Variants in LRBA observed in about 807,000 individuals in gnomAD.
LRBA encodes lipopolysaccharide-responsive and beige-like anchor protein.
In LRBA, 176 loss-of-function variants were observed where a neutral mutation model predicts 330.0. The observed-to-expected ratio is 0.53, with a 90% CI of 0.47 to 0.60. The LOEUF is 0.60. Ranked by LOEUF, LRBA falls within the 20% of genes least tolerant of loss-of-function variation. The probability of loss-of-function intolerance (pLI) is 0.00; values close to 1 mark genes in which losing one functional copy is unlikely to be tolerated. For synonymous variants in LRBA, 1,230 were observed against 1,193.0 expected (o/e 1.03, Z -0.64); for missense variants, 3,259 against 3,444.8 (o/e 0.95, Z 1.35).
At chr4:150,599,165 A>T (rs180818787) in intron 37 of LRBA, 34 bp from the exon 38 acceptor site, 970 of 1,611,580 alleles carry the variant, frequency 6.0e-4, no homozygotes, top group Non-Finnish European at 7.6e-4. Context: ...ATATGTTAGC[A>T]ATTATCAAAC....
At chr4:150,393,123 G>A (rs1026692302) in intron 47 of LRBA, among the ~76,000 whole-genome samples, 4 of 151,964 alleles carry the variant, frequency 2.6e-5, no homozygotes, top group South Asian at 2.1e-4. Context: ...ATGAAATTTA[G>A]TTGCTCTGCT....
At chr4:150,939,323 AAG>A (rs543491979) in intron 2 of LRBA, among the ~76,000 whole-genome samples, 18 of 152,340 alleles carry the variant, frequency 1.2e-4, no homozygotes, top group African/African-American at 4.1e-4. Context: ...TACCCTTATA[AAG>A]AGGGAAAATT....
chr4:150,332,112 G>A (rs542318933), intron 48 of LRBA, among the ~76,000 whole-genome samples: 1 of 152,244 alleles, frequency 6.6e-6, no homozygotes, highest in African/African-American at 2.4e-5. Context: ...CCTGGCTAGG[G>A]TTAAGCAAGC....
chr4:150,928,506 G>A lies in LRBA; in HGVS notation c.549+10C>T. The A allele has an allele frequency of 6.3e-7, 1 of 1,596,952 alleles. No homozygotes were observed. Among genetic ancestry groups the A allele is most frequent in the Non-Finnish European group, 8.6e-7 (1 of 1,167,078 alleles). On this transcript the variant is annotated intron_variant, in intron 4 of 56. Transcript: ENST00000651943. ...CTTTAAAATACCAAAGAGTACTTAAGTTTTTTTACCCATCGTCCTTTATCT... is the reference window on the plus strand; with the variant it reads ...CTTTAAAATACCAAAGAGTACTTAAATTTTTTTACCCATCGTCCTTTATCT...
intron 47 of LRBA, among the ~76,000 whole-genome samples, chr4:150,404,904 A>C (rs1268767113): frequency 1.3e-5 from 2 of 152,170 alleles, no homozygotes; most frequent in Non-Finnish European, 2.9e-5. Context: ...CATGTCACTA[A>C]ACAAAATGCG....
chr4:150,757,600 G>A (rs1204078724), intron 35 of LRBA, among the ~76,000 whole-genome samples: 2 of 152,056 alleles, frequency 1.3e-5, no homozygotes, highest in Non-Finnish European at 2.9e-5. Flanking sequence ...TCCTGCCCCT[G>A]GGATTAAGTC....
chr4:150,767,122 T>C (rs1237799418), intron 34 of LRBA, among the ~76,000 whole-genome samples: 2 of 152,160 alleles, frequency 1.3e-5, no homozygotes, highest in Admixed American at 6.5e-5. Context: ...AACCTAACAT[T>C]ATCTATTCCT....
chr4:150,368,104 G>T (rs943487781), intron 47 of LRBA, among the ~76,000 whole-genome samples: 2 of 152,056 alleles, frequency 1.3e-5, no homozygotes, highest in Non-Finnish European at 2.9e-5. Flanking sequence ...ACTCAAGGGG[G>T]TTAATCCTCA....
intron 49 of LRBA, among the ~76,000 whole-genome samples, chr4:150,322,293 T>C (rs1258043181): frequency 2.6e-5 from 4 of 152,232 alleles, no homozygotes; most frequent in Non-Finnish European, 5.9e-5. Context: ...ACAACCCATA[T>C]GTCATAATCC....
rs868619599 is a variant in LRBA at position 150,776,523 on chromosome 4, C to T, written c.5581-14676G>A. Among the ~76,000 whole-genome samples the T allele has an allele frequency of 4.6e-5, 7 of 152,100 alleles. 1 individual carries two copies. The highest frequency in any genetic ancestry group is 1.3e-4 in the Admixed American group (2 of 15,270). On this transcript the variant is annotated intron_variant, in intron 34 of 56. Coordinates refer to ENST00000651943, the MANE Select transcript of LRBA (RefSeq NM_001364905.1). Reference sequence around the variant, plus strand: ...GAAAAATAAATTTTAAATTAAAAATCATATGCCCAGCTGAACACACTGGCT... The same window carrying T: ...GAAAAATAAATTTTAAATTAAAAATTATATGCCCAGCTGAACACACTGGCT...
intron 35 of LRBA, among the ~76,000 whole-genome samples, chr4:150,746,507 CTTTT>C (rs923454215): frequency 2.9e-5 from 4 of 136,488 alleles, no homozygotes; most frequent in African/African-American, 2.7e-5. Flanking sequence ...GTTTCTCTTA[CTTTT>C]TTTTTTTTTT....
chr4:151,004,283 C>T (rs998547364), intron 2 of LRBA, among the ~76,000 whole-genome samples: 8 of 152,156 alleles, frequency 5.3e-5, no homozygotes. Context: ...GATCCACCAG[C>T]TTCAGCCTAC....
rs1022260190 is a variant in LRBA at position 150,564,318 on chromosome 4, A to T, written c.6330+23730T>A. ...TCCCTATTTAATAAATGGTGCTGGG[A>T]AAACTGGCTAGCCATAAGTAGAAAG... On this transcript the variant is annotated intron_variant, in intron 40 of 56. Coordinates refer to ENST00000651943, the MANE Select transcript of LRBA (RefSeq NM_001364905.1). Among the ~76,000 whole-genome samples the T allele has an allele frequency of 2.6e-5, 4 of 152,218 alleles. No homozygotes were observed. In the East Asian group the frequency reaches 7.7e-4, roughly 29 times the overall value.
At chr4:150,946,150 A>G (rs1210227239) in intron 2 of LRBA, among the ~76,000 whole-genome samples, 1 of 152,224 alleles carries the variant, frequency 6.6e-6, no homozygotes, top group East Asian at 1.9e-4. Flanking sequence ...TTATTATGAA[A>G]TAAACAGTAT....
intron 37 of LRBA, among the ~76,000 whole-genome samples, chr4:150,651,639 A>C (rs1779719250): frequency 6.6e-6 from 1 of 152,138 alleles, no homozygotes; most frequent in Middle Eastern, 3.2e-3. Context: ...ACCCAGCACA[A>C]ATAAAGCCAT....
intron 28 of LRBA, among the ~76,000 whole-genome samples, chr4:150,833,165 T>TGAAAGA: frequency 6.6e-6 from 1 of 152,110 alleles, no homozygotes; most frequent in South Asian, 2.1e-4. Context: ...GAAGACAAAC[T>TGAAAGA]AGACTGACCT....
intron 17 of LRBA, among the ~76,000 whole-genome samples, chr4:150,872,996 A>C (rs189025282): frequency 6.6e-4 from 101 of 152,230 alleles, no homozygotes; most frequent in African/African-American, 2.3e-3. Flanking sequence ...GCACATACTT[A>C]TATGTAACGT....
At position 150,916,652 on chromosome 4, in the gene LRBA, G is replaced by A; in HGVS notation, c.732C>T (p.Asn244=). The A allele has an allele frequency of 1.9e-6, 3 of 1,600,196 alleles. No homozygotes were observed. Among genetic ancestry groups the A allele is most frequent in the Non-Finnish European group, 2.6e-6 (3 of 1,174,056 alleles). The change falls in exon 6 of 57, where the codon AAC becomes AAT. Residue 244 remains asparagine, a synonymous_variant. Transcript: ENST00000651943. ...HTWLRMDPVN[N]INVDKDKPYL... ...ATGGTTTATCCTTATCTACATTGAT[G>A]TTATTTACAGGATCCATTCTAAGCC...
At chr4:150,918,234 C>T (rs1177774925) in intron 5 of LRBA, among the ~76,000 whole-genome samples, 1 of 151,946 alleles carries the variant, frequency 6.6e-6, no homozygotes, top group Non-Finnish European at 1.5e-5. Context: ...GGACTTGTAA[C>T]CAAAATATAT....
Sources: allele counts gnomAD v4.1 joint callset (sites outside exome capture counted in the v4.1 genomes callset), GRCh38; gene constraint gnomAD v4.1.1; transcripts MANE v1.5; gene names NCBI Gene and HGNC (gene_info 2026-07-23, HGNC 2026-07-21).